CSMD1: variants seen among roughly 807,000 people sequenced by gnomAD.
CSMD1 encodes CUB and Sushi multiple domains 1.
In CSMD1, 213 loss-of-function variants were observed where a neutral mutation model predicts 417.5. That is an observed-to-expected ratio of 0.51 (90% confidence interval 0.46 to 0.57). The LOEUF is 0.57. Ranked by LOEUF, CSMD1 falls within the 20% of genes least tolerant of loss-of-function variation. The pLI is 0.00. For missense variants in CSMD1, 6,923 were observed against 4,529.7 expected (o/e 1.53, Z -15.17); for synonymous variants, 2,862 against 1,736.8 (o/e 1.65, Z -16.11).
chr8:4,355,588 G>C (rs1801380586), intron 3 of CSMD1, among the ~76,000 whole-genome samples: 1 of 152,192 alleles, frequency 6.6e-6, no homozygotes, highest in East Asian at 1.9e-4. Context: ...TGAGGGACCA[G>C]AGTGTTCAGA....
At chr8:3,559,057 G>A (rs28550132) in intron 10 of CSMD1, among the ~76,000 whole-genome samples, 21,487 of 152,210 alleles carry the variant, frequency 0.14, 1,667 homozygotes, top group Non-Finnish European at 0.18. Flanking sequence ...GGACCATGGA[G>A]AAGTGTTGAA....
At chr8:3,822,019 T>A (rs1801763548) in intron 5 of CSMD1, among the ~76,000 whole-genome samples, 1 of 152,164 alleles carries the variant, frequency 6.6e-6, no homozygotes, top group African/African-American at 2.4e-5. Context: ...GCATCACAGT[T>A]CCTCAGAACA....
At chr8:4,979,871 A>G (rs1343351713) in intron 1 of CSMD1, among the ~76,000 whole-genome samples, 10 of 151,748 alleles carry the variant, frequency 6.6e-5, no homozygotes, top group Admixed American at 5.9e-4. Flanking sequence ...CCCCATCTCT[A>G]CTAAAAATAC....
intron 33 of CSMD1, among the ~76,000 whole-genome samples, chr8:3,192,255 C>G (rs980568057): frequency 3.9e-5 from 6 of 152,220 alleles, no homozygotes; most frequent in Admixed American, 3.3e-4. Context: ...TACAGAATAA[C>G]GATAATATTC....
intron 3 of CSMD1, among the ~76,000 whole-genome samples, chr8:4,376,061 G>A (rs113658785): frequency 1.3e-4 from 20 of 152,220 alleles, no homozygotes; most frequent in African/African-American, 4.6e-4. Flanking sequence ...ACTGAAGCTA[G>A]AGAAGAAAAT....
chr8:4,297,018 G>T (rs1187026602), intron 3 of CSMD1, among the ~76,000 whole-genome samples: 1 of 152,084 alleles, frequency 6.6e-6, no homozygotes, highest in African/African-American at 2.4e-5. Flanking sequence ...GGAAGTGCTG[G>T]GAAAGAGTAA....
At chr8:3,923,518 C>G (rs1563215435) in intron 5 of CSMD1, among the ~76,000 whole-genome samples, 1 of 151,936 alleles carries the variant, frequency 6.6e-6, no homozygotes, top group Non-Finnish European at 1.5e-5. Flanking sequence ...GTCTTTTATT[C>G]TCACCTTGCG....
At chr8:4,228,189 C>A (rs924193176) in intron 3 of CSMD1, among the ~76,000 whole-genome samples, 4 of 152,192 alleles carry the variant, frequency 2.6e-5, no homozygotes, top group Non-Finnish European at 4.4e-5. Flanking sequence ...GCATGCAATC[C>A]CACATCCAGG....
intron 25 of CSMD1, among the ~76,000 whole-genome samples, chr8:3,303,515 C>G (rs1156680019): frequency 1.3e-5 from 2 of 152,164 alleles, no homozygotes; most frequent in East Asian, 3.8e-4. Context: ...ACTGTGCGAG[C>G]TTATTAAAAA....
chr8:4,381,047 G>T lies in CSMD1; in HGVS notation c.415+38906C>A, dbSNP rs186182411. On this transcript the variant is annotated intron_variant, in intron 3 of 69. Transcript: ENST00000635120. ...AAATGGGAAATGGGTTAAGGAATAT[G>T]TGAGTATTGTGGGTTATATTAGGTT... 3.3e-3 allele frequency among the ~76,000 whole-genome samples: 502 copies of T among 152,290 alleles called. 5 individuals are homozygous for T. Among genetic ancestry groups the T allele is most frequent in the African/African-American group, 0.011 (460 of 41,566 alleles).
At chr8:4,879,705 A>G (rs925782877) in intron 1 of CSMD1, among the ~76,000 whole-genome samples, 16 of 145,990 alleles carry the variant, frequency 1.1e-4, no homozygotes, top group African/African-American at 4.1e-4. Flanking sequence ...GAGCACTGCG[A>G]AAAAAAGTGC....
At chr8:4,040,623 T>G (rs1161162342) in intron 3 of CSMD1, among the ~76,000 whole-genome samples, 3 of 152,178 alleles carry the variant, frequency 2.0e-5, no homozygotes, top group Non-Finnish European at 4.4e-5. Context: ...CTTACGATGT[T>G]TTCTTAGGTA....
intron 5 of CSMD1, among the ~76,000 whole-genome samples, chr8:3,784,597 T>C (rs1192899396): frequency 6.6e-6 from 1 of 152,216 alleles, no homozygotes; most frequent in Non-Finnish European, 1.5e-5. Flanking sequence ...TGCTTCAATA[T>C]ATGCTTTAGC....
chr8:3,769,197 C>A (rs116280190), intron 5 of CSMD1, among the ~76,000 whole-genome samples: 140 of 152,276 alleles, frequency 9.2e-4, no homozygotes, highest in Middle Eastern at 3.4e-3. Context: ...TTTTAATGTT[C>A]ACAGACATGT....
chr8:4,941,534 T>G (rs546471958), intron 1 of CSMD1, among the ~76,000 whole-genome samples: 57 of 152,320 alleles, frequency 3.7e-4, no homozygotes, highest in African/African-American at 1.3e-3. Context: ...GTGTTTCTTC[T>G]GCAGTCTTTG....
chr8:4,372,783 C>T (rs957317316), intron 3 of CSMD1, among the ~76,000 whole-genome samples: 1 of 149,372 alleles, frequency 6.7e-6, no homozygotes, highest in African/African-American at 2.4e-5. Context: ...CCAAAGTGTA[C>T]AATAAATATA....
chr8:4,236,578 T>G (rs1411243486), intron 3 of CSMD1, among the ~76,000 whole-genome samples: 1 of 152,302 alleles, frequency 6.6e-6, no homozygotes, highest in Non-Finnish European at 1.5e-5. Flanking sequence ...TTTTCAATAC[T>G]AAATGAGCTG....
chr8:3,383,430 C>T (rs1312041075), intron 18 of CSMD1, among the ~76,000 whole-genome samples: 2 of 151,386 alleles, frequency 1.3e-5, no homozygotes, highest in East Asian at 1.9e-4. Context: ...AAACCTCATG[C>T]ATGGAGGGAA....
At chr8:4,324,494 G>A (rs1053887850) in intron 3 of CSMD1, among the ~76,000 whole-genome samples, 3 of 152,186 alleles carry the variant, frequency 2.0e-5, no homozygotes, top group Admixed American at 6.5e-5. Flanking sequence ...GGAAGCAGAT[G>A]AAGTGCACAC....
Sources: gnomAD v4.1 joint callset for allele counts (sites outside exome capture counted in the v4.1 genomes callset) on GRCh38, gnomAD v4.1.1 for gene constraint, MANE v1.5 for transcripts, NCBI Gene and HGNC (gene_info 2026-07-23, HGNC 2026-07-21) for gene names.